The following MTX2 variants were observed in gnomAD, a reference collection of about 807,000 sequenced individuals.
MTX2 encodes the protein metaxin-2.
In MTX2, 35 loss-of-function variants were observed where a neutral mutation model predicts 42.3. The observed-to-expected ratio is 0.83, with a 90% CI of 0.63 to 1.10. MTX2 has a LOEUF of 1.10. Ranked by LOEUF, MTX2 falls within the 50% of genes least tolerant of loss-of-function variation. The probability of loss-of-function intolerance (pLI) is 0.00; values close to 1 mark genes in which losing one functional copy is unlikely to be tolerated. For missense variants in MTX2, 307 were observed against 304.1 expected (o/e 1.01, Z -0.07); for synonymous variants, 119 against 100.9 (o/e 1.18, Z -1.08).
intron 1 of MTX2, among the ~76,000 whole-genome samples, chr2:176,283,232 C>T (rs1425968828): frequency 3.9e-5 from 6 of 152,142 alleles, no homozygotes; most frequent in African/African-American, 1.2e-4. Flanking sequence ...ACCTTAGTCA[C>T]CCCTAATCCC....
intron 1 of MTX2, among the ~76,000 whole-genome samples, chr2:176,288,493 A>C (rs966064552): frequency 1.3e-5 from 2 of 151,890 alleles, no homozygotes; most frequent in African/African-American, 4.8e-5. Flanking sequence ...CAACTTTGGC[A>C]GGAAGCCATC....
intron 1 of MTX2, among the ~76,000 whole-genome samples, chr2:176,289,092 T>C (rs1041249844): frequency 6.6e-6 from 1 of 150,786 alleles, no homozygotes; most frequent in South Asian, 2.1e-4. Context: ...TTAAAAATGA[T>C]AATGGATTAA....
chr2:176,292,627 T>C (rs565175211), intron 1 of MTX2, among the ~76,000 whole-genome samples: 15 of 152,322 alleles, frequency 9.8e-5, no homozygotes, highest in Admixed American at 6.5e-5. Context: ...AAGACAGTTA[T>C]AGAGCTCATT....
chr2:176,293,943 A>C (rs193108673), intron 1 of MTX2, among the ~76,000 whole-genome samples: 2 of 152,330 alleles, frequency 1.3e-5, no homozygotes, highest in East Asian at 1.9e-4. Context: ...GCTGCTGGCT[A>C]TATGGGTTTA....
At chr2:176,290,555 T>C (rs1693303836) in intron 1 of MTX2, among the ~76,000 whole-genome samples, 1 of 152,158 alleles carries the variant, frequency 6.6e-6, no homozygotes, top group African/African-American at 2.4e-5. Flanking sequence ...GAAGTTGTCC[T>C]TTTGGATTTT....
chr2:176,333,947 A>G (rs558678394), intron 9 of MTX2, among the ~76,000 whole-genome samples: 1 of 151,884 alleles, frequency 6.6e-6, no homozygotes, highest in African/African-American at 2.4e-5. Context: ...AAATTGCCAA[A>G]CAGTGCATTT....
chr2:176,332,429 T>C (rs1189770083), intron 9 of MTX2, among the ~76,000 whole-genome samples: 1 of 151,336 alleles, frequency 6.6e-6, no homozygotes, highest in Non-Finnish European at 1.5e-5. Context: ...TATTCTTGGC[T>C]CTGACATATC....
intron 3 of MTX2, among the ~76,000 whole-genome samples, chr2:176,315,196 A>G (rs1366115149): frequency 1.3e-5 from 2 of 152,168 alleles, no homozygotes; most frequent in Non-Finnish European, 1.5e-5. Flanking sequence ...TCAGAAGTCT[A>G]TCCAAAAAGT....
Position 176,298,011 on chromosome 2 carries a change from TTC to T in MTX2, c.135+118_135+119del, listed in dbSNP as rs1333468286. 5.1e-6 allele frequency: 3 copies of T among 584,454 alleles called. No homozygotes were observed. The African/African-American group carries it at 5.8e-5, about 11-fold the overall frequency. The allele number at this position is 584,454 out of a possible 1,614,324, so 36.2% of individuals were successfully genotyped here. A position where few individuals can be genotyped will look rare whatever the true frequency, so the allele number is the denominator to read the frequency against. On this transcript the variant is annotated intron_variant, in intron 3 of 9. Coordinates refer to ENST00000249442, the MANE Select transcript of MTX2 (RefSeq NM_006554.5). ...TCTGATACTATATGTTTAGATTTTT[TTC>T]TGTGTGATTTACCATTATCTATATA...
At chr2:176,270,759 C>T (rs1164276159) in intron 1 of MTX2, among the ~76,000 whole-genome samples, 1 of 151,980 alleles carries the variant, frequency 6.6e-6, no homozygotes, top group Non-Finnish European at 1.5e-5. Context: ...GAGAGAAGCT[C>T]CTACTAGATT....
chr2:176,273,115 G>C (rs113394249), intron 1 of MTX2, among the ~76,000 whole-genome samples: 2,259 of 152,280 alleles, frequency 0.015, 45 homozygotes, highest in African/African-American at 0.051. Flanking sequence ...GGGACTGAGA[G>C]GGCTGAACTT....
intron 3 of MTX2, among the ~76,000 whole-genome samples, chr2:176,317,768 A>G (rs778196080): frequency 6.6e-6 from 1 of 152,030 alleles, no homozygotes; most frequent in African/African-American, 2.4e-5. Flanking sequence ...TCAGAGTGGC[A>G]CCTCACCCAG....
chr2:176,272,181 T>G (rs938879537), intron 1 of MTX2, among the ~76,000 whole-genome samples: 4 of 152,158 alleles, frequency 2.6e-5, no homozygotes, highest in East Asian at 1.9e-4. Flanking sequence ...CTAATCTTTT[T>G]GGGGAAATCT....
intron 9 of MTX2, among the ~76,000 whole-genome samples, chr2:176,333,424 G>A (rs1000158806): frequency 9.2e-5 from 14 of 151,622 alleles, no homozygotes; most frequent in Admixed American, 6.6e-4. Flanking sequence ...TTTACATCTA[G>A]TAAAATTGGC....
intron 1 of MTX2, among the ~76,000 whole-genome samples, chr2:176,291,616 A>G (rs1201487398): frequency 6.6e-6 from 1 of 152,070 alleles, no homozygotes; most frequent in African/African-American, 2.4e-5. Context: ...TGGCTACATA[A>G]TTTTTAAGGC....
At chr2:176,312,189 T>C (rs6712866) in intron 3 of MTX2, among the ~76,000 whole-genome samples, 41,238 of 152,216 alleles carry the variant, frequency 0.27, 6,032 homozygotes, top group African/African-American at 0.37. Flanking sequence ...CAGTGAGCTC[T>C]GAACCCATAA....
chr2:176,307,824 T>A (rs1446333646), intron 3 of MTX2, among the ~76,000 whole-genome samples: 1 of 152,172 alleles, frequency 6.6e-6, no homozygotes, highest in Non-Finnish European at 1.5e-5. Flanking sequence ...TTTCTAAATA[T>A]ACAATCATAT....
chr2:176,334,343 G>A (rs1684938284), intron 9 of MTX2, among the ~76,000 whole-genome samples: 1 of 151,796 alleles, frequency 6.6e-6, no homozygotes, highest in Non-Finnish European at 1.5e-5. Flanking sequence ...CAAGGATTAG[G>A]AAAATAAGTT....
At chr2:176,295,164 G>C (rs1443585687) in intron 1 of MTX2, among the ~76,000 whole-genome samples, 1 of 152,036 alleles carries the variant, frequency 6.6e-6, no homozygotes, top group Non-Finnish European at 1.5e-5. Flanking sequence ...CAAGGAACTT[G>C]ATTTCAATAT....
Sources: allele counts gnomAD v4.1 joint callset (sites outside exome capture counted in the v4.1 genomes callset), GRCh38; gene constraint gnomAD v4.1.1; transcripts MANE v1.5; gene names NCBI Gene and HGNC (gene_info 2026-07-23, HGNC 2026-07-21).